FASTKD1: variants seen among roughly 807,000 people sequenced by gnomAD.
FASTKD1 encodes the protein FAST kinase domains 1.
Under a neutral mutation model 90.9 loss-of-function variants are expected in FASTKD1, and 94 were observed. The observed-to-expected ratio is 1.03, with a 90% CI of 0.88 to 1.23. The LOEUF is 1.23. FASTKD1 is among the 50% of genes most tolerant of loss of function. The pLI is 0.00. For synonymous variants in FASTKD1, 319 were observed against 345.8 expected (o/e 0.92, Z 0.86); for missense variants, 945 against 993.5 (o/e 0.95, Z 0.66).
Position 169,560,509 on chromosome 2 carries a change from A to T in FASTKD1, c.849T>A (p.Phe283Leu), listed in dbSNP as rs776150579. ...SVYKFLQFNS[F>L]EFIIMAKKKL... ...TCTTTTTAGCCATTATAATAAATTC[A>T]AAACTATTAAATTGTAGAAATTTGT... is the stretch of plus-strand genomic sequence containing the variant. Residue 283 changes from phenylalanine (F) to leucine (L), a missense_variant, in exon 5 of 15, where the codon TTT becomes TTA. By Grantham distance (22) the Phe-to-Leu change is conservative (BLOSUM62 0). Transcript: ENST00000453153. 1.2e-6 allele frequency: 2 copies of T among 1,604,432 alleles called. No individual in the cohort carries two copies. Among genetic ancestry groups the T allele is most frequent in the South Asian group, 2.2e-5 (2 of 89,006 alleles).
intron 1 of FASTKD1, among the ~76,000 whole-genome samples, chr2:169,572,823 T>C (rs1170284323): frequency 1.3e-5 from 2 of 152,114 alleles, no homozygotes; most frequent in Non-Finnish European, 2.9e-5. Flanking sequence ...AAGATAATTA[T>C]GAAAAAAGAA....
chr2:169,570,025 G>A (rs1376221260), intron 2 of FASTKD1, among the ~76,000 whole-genome samples: 1 of 152,090 alleles, frequency 6.6e-6, no homozygotes, highest in Non-Finnish European at 1.5e-5. Flanking sequence ...TCCTTTTTCA[G>A]TTTAACATCA....
intron 7 of FASTKD1, among the ~76,000 whole-genome samples, chr2:169,550,746 CT>C (rs112065464): frequency 0.031 from 4,745 of 152,218 alleles, 273 homozygotes; most frequent in African/African-American, 0.11. Flanking sequence ...CTCAAATATA[CT>C]TTTTTCTGTT....
chr2:169,556,557 C>T (rs1457628551), intron 6 of FASTKD1, among the ~76,000 whole-genome samples: 1 of 151,758 alleles, frequency 6.6e-6, no homozygotes, highest in East Asian at 1.9e-4. Context: ...GGTGCGGTGG[C>T]TCAGGCCTGT....
chr2:169,553,640 G>A (rs564986855), intron 7 of FASTKD1, among the ~76,000 whole-genome samples: 64 of 152,168 alleles, frequency 4.2e-4, no homozygotes, highest in Non-Finnish European at 8.2e-4. Context: ...AAATCAGGCC[G>A]GGCGCAGTGG....
At chr2:169,537,965 T>C (rs1050785663) in intron 11 of FASTKD1, 48 bp downstream of exon 11, 24 of 1,527,672 alleles carry the variant, frequency 1.6e-5, no homozygotes, top group Non-Finnish European at 1.9e-5. Context: ...TACCTAATAA[T>C]TTACTTTAGA....
rs73971624 is a variant in FASTKD1 at position 169,540,234 on chromosome 2, C to T, written c.1817-55G>A. 1.6e-3 allele frequency: 2,252 copies of T among 1,411,182 alleles called. 46 individuals carry two copies. In the African/African-American group the frequency reaches 0.03, roughly 19 times the overall value. 87.4% of individuals were successfully genotyped at this position (1,411,182 alleles called of 1,614,324 possible). A position where few individuals can be genotyped will look rare whatever the true frequency, so the allele number is the denominator to read the frequency against. The stretch of plus-strand genomic sequence containing the variant: ...TATAGCTGCCTCACTTATATATACA[C>T]TTATAATTTATTCAGGCAAACCCAG... On this transcript the variant is annotated intron_variant, in intron 9 of 14. Transcript: ENST00000453153.
chr2:169,561,934 AATTT>A (rs1359477233), intron 4 of FASTKD1, among the ~76,000 whole-genome samples: 1 of 139,678 alleles, frequency 7.2e-6, no homozygotes, highest in Non-Finnish European at 1.5e-5. Context: ...ATTATTTGTT[AATTT>A]ATTATAAATT....
At chr2:169,555,690 G>C (rs1417649893) in intron 6 of FASTKD1, among the ~76,000 whole-genome samples, 1 of 151,820 alleles carries the variant, frequency 6.6e-6, no homozygotes, top group Non-Finnish European at 1.5e-5. Flanking sequence ...GCAGTAAGTT[G>C]GAAAAAAATG....
At chr2:169,532,817 A>C (rs1015388881) in intron 12 of FASTKD1, among the ~76,000 whole-genome samples, 1 of 152,184 alleles carries the variant, frequency 6.6e-6, no homozygotes, top group African/African-American at 2.4e-5. Context: ...AAAACAGGAA[A>C]AGCAAAGGTA....
At chr2:169,534,457 T>C (rs545385508) in intron 12 of FASTKD1, among the ~76,000 whole-genome samples, 144 of 146,884 alleles carry the variant, frequency 9.8e-4, no homozygotes, top group African/African-American at 3.6e-3. Flanking sequence ...GTTGTTTTTT[T>C]TTTTTCTTTT....
chr2:169,561,800 T>TTTATTAATTTATTGTAAA (rs1683640494), intron 4 of FASTKD1, among the ~76,000 whole-genome samples: 2 of 132,310 alleles, frequency 1.5e-5, no homozygotes, highest in African/African-American at 2.8e-5. Flanking sequence ...TTGTAAATTA[T>TTTATTAATTTATTGTAAA]TTATTAATTT....
intron 9 of FASTKD1, among the ~76,000 whole-genome samples, chr2:169,543,498 C>T (rs937399296): frequency 6.6e-6 from 1 of 151,956 alleles, no homozygotes; most frequent in Non-Finnish European, 1.5e-5. Context: ...TTTGGTGACT[C>T]GGGAAAATTT....
chr2:169,546,773 T>G, intron 7 of FASTKD1, 69 bp from the exon 8 acceptor site: 3 of 1,374,496 alleles, frequency 2.2e-6, no homozygotes, highest in Non-Finnish European at 2.0e-6. Flanking sequence ...AAAATATGAA[T>G]ACATATGAGT....
chr2:169,564,010 G>A (rs1013108008), intron 3 of FASTKD1, among the ~76,000 whole-genome samples: 1 of 152,064 alleles, frequency 6.6e-6, no homozygotes, highest in Non-Finnish European at 1.5e-5. Flanking sequence ...GATCCTTTTT[G>A]GGTGAGAGGA....
intron 5 of FASTKD1, among the ~76,000 whole-genome samples, chr2:169,559,616 T>C (rs1374584624): frequency 6.6e-6 from 1 of 151,722 alleles, no homozygotes; most frequent in Non-Finnish European, 1.5e-5. Context: ...CAAGGTTTCA[T>C]CATCTTGCCT....
intron 2 of FASTKD1, 126 bp downstream of exon 2, chr2:169,571,527 G>C (rs1684229507): frequency 1.6e-6 from 1 of 633,274 alleles, no homozygotes; most frequent in African/African-American, 1.9e-5. Flanking sequence ...TCATGCCACT[G>C]CACTCCAGCC....
intron 10 of FASTKD1, among the ~76,000 whole-genome samples, chr2:169,538,912 A>T (rs1684847960): frequency 6.6e-6 from 1 of 152,138 alleles, no homozygotes; most frequent in Non-Finnish European, 1.5e-5. Flanking sequence ...CTCAAAATAT[A>T]GTTAGATGGA....
intron 6 of FASTKD1, among the ~76,000 whole-genome samples, chr2:169,556,775 C>T (rs867042499): frequency 1.3e-5 from 2 of 150,630 alleles, no homozygotes; most frequent in Non-Finnish European, 3.0e-5. Context: ...TGCAGTGAGC[C>T]GAGATGGCAC....
Sources: gnomAD v4.1 joint callset for allele counts (sites outside exome capture counted in the v4.1 genomes callset) on GRCh38, gnomAD v4.1.1 for gene constraint, MANE v1.5 for transcripts, NCBI Gene and HGNC (gene_info 2026-07-23, HGNC 2026-07-21) for gene names.